QTMAN: variants seen among roughly 807,000 people sequenced by gnomAD.
The protein encoded by QTMAN is queuosine-tRNA mannosyltransferase.
At chr2:144,107,635 C>T in the QTMAN span, among the ~76,000 whole-genome samples, 1 of 152,102 alleles carries the variant, frequency 6.6e-6, no homozygotes, top group African/African-American at 2.4e-5. Context: ...CCAAAAAAGT[C>T]CAGGACCAGA....
the QTMAN span, among the ~76,000 whole-genome samples, chr2:143,992,236 CG>C: frequency 2.7e-5 from 4 of 149,350 alleles, no homozygotes. Context: ...GACCTTACCC[CG>C]CAACCCTGTG....
chr2:144,006,675 C>T, the QTMAN span: 1 of 152,176 alleles, frequency 6.6e-6, no homozygotes, highest in Non-Finnish European at 1.5e-5. Flanking sequence ...TTGCTTAGCA[C>T]AATACAGAGG....
the QTMAN span, among the ~76,000 whole-genome samples, chr2:144,133,151 A>ATATATATATATATAATATATAT: frequency 7.8e-5 from 4 of 51,386 alleles, no homozygotes; most frequent in African/African-American, 3.6e-4. Flanking sequence ...ATATATATAT[A>ATATATATATATATAATATATAT]ATATAATATA....
chr2:144,084,439 C>T, the QTMAN span, among the ~76,000 whole-genome samples: 4 of 152,134 alleles, frequency 2.6e-5, no homozygotes, highest in Non-Finnish European at 4.4e-5. Flanking sequence ...GGAAAATAGA[C>T]ACTTACCATG....
the QTMAN span, among the ~76,000 whole-genome samples, chr2:144,206,021 T>C: frequency 1.3e-5 from 2 of 152,248 alleles, no homozygotes; most frequent in Non-Finnish European, 2.9e-5. Context: ...TATATTCTTT[T>C]AGTTGTCAAG....
the QTMAN span, among the ~76,000 whole-genome samples, chr2:144,096,018 A>T: frequency 7.2e-6 from 1 of 138,630 alleles, no homozygotes; most frequent in Admixed American, 7.1e-5. Context: ...TCAAAAGCTC[A>T]ATCTACACAA....
the QTMAN span, among the ~76,000 whole-genome samples, chr2:144,312,954 G>C: frequency 7.8e-6 from 1 of 129,028 alleles, no homozygotes; most frequent in Non-Finnish European, 1.6e-5. Flanking sequence ...CCCAGTCTCA[G>C]GTATTTCTTT....
chr2:144,261,660 T>C, the QTMAN span, among the ~76,000 whole-genome samples: 2 of 152,210 alleles, frequency 1.3e-5, no homozygotes, highest in African/African-American at 4.8e-5. Context: ...TGTTGAAAGT[T>C]CTCAGGGAGA....
At chr2:144,225,640 G>C in the QTMAN span, among the ~76,000 whole-genome samples, 12 of 152,084 alleles carry the variant, frequency 7.9e-5, no homozygotes, top group African/African-American at 2.7e-4. Context: ...TCTCCTCTCT[G>C]AAACCTTTTG....
At chr2:144,197,554 T>C in the QTMAN span, among the ~76,000 whole-genome samples, 1 of 152,106 alleles carries the variant, frequency 6.6e-6, no homozygotes, top group Non-Finnish European at 1.5e-5. Context: ...ACCACTAAAG[T>C]AGTTTAATTG....
At chr2:144,169,538 A>G in the QTMAN span, among the ~76,000 whole-genome samples, 1 of 152,070 alleles carries the variant, frequency 6.6e-6, no homozygotes, top group Non-Finnish European at 1.5e-5. Context: ...ATTCTTTTTT[A>G]TTAGACAATG....
chr2:143,983,091 A>G, the QTMAN span, among the ~76,000 whole-genome samples: 10 of 152,194 alleles, frequency 6.6e-5, no homozygotes, highest in African/African-American at 2.2e-4. Context: ...CATGAACAAT[A>G]AAGCTTAGTT....
At chr2:144,208,992 T>C in the QTMAN span, among the ~76,000 whole-genome samples, 2 of 152,224 alleles carry the variant, frequency 1.3e-5, no homozygotes, top group Admixed American at 6.5e-5. Context: ...TTTGTGTTAA[T>C]AAGAAGAAAT....
chr2:144,196,882 G>A, the QTMAN span, among the ~76,000 whole-genome samples: 1 of 152,106 alleles, frequency 6.6e-6, no homozygotes, highest in African/African-American at 2.4e-5. Context: ...TTTTGGCAGG[G>A]GGGATAGTGA....
chr2:144,168,519 G>A, the QTMAN span, among the ~76,000 whole-genome samples: 3 of 152,246 alleles, frequency 2.0e-5, no homozygotes, highest in Non-Finnish European at 4.4e-5. Flanking sequence ...AAAATGGGAC[G>A]AGGATACAGA....
chr2:144,296,850 G>C, the QTMAN span, among the ~76,000 whole-genome samples: 1 of 152,110 alleles, frequency 6.6e-6, no homozygotes, highest in Non-Finnish European at 1.5e-5. Flanking sequence ...CTGCACTTCA[G>C]AGACAAATGA....
At chr2:143,984,688 A>C in the QTMAN span, among the ~76,000 whole-genome samples, 1 of 152,058 alleles carries the variant, frequency 6.6e-6, no homozygotes. Flanking sequence ...CAGACCCTAA[A>C]CTCAGTGGAC....
At chr2:143,943,912 T>C in the QTMAN span, 1 of 152,198 alleles carries the variant, frequency 6.6e-6, no homozygotes, top group East Asian at 1.9e-4. Flanking sequence ...GCCAGAAGCA[T>C]AGATTAAGTT....
the QTMAN span, among the ~76,000 whole-genome samples, chr2:144,009,744 T>C: frequency 1.3e-5 from 2 of 152,032 alleles, no homozygotes; most frequent in African/African-American, 2.4e-5. Flanking sequence ...TCAAACTGCA[T>C]AGGCCCCAAA....
Sources: gnomAD v4.1 joint callset for allele counts (sites outside exome capture counted in the v4.1 genomes callset) on GRCh38, gnomAD v4.1.1 for gene constraint, MANE v1.5 for transcripts, NCBI Gene and HGNC (gene_info 2026-07-23, HGNC 2026-07-21) for gene names.